Variants in NRXN1 observed in about 807,000 individuals in gnomAD.
NRXN1 encodes neurexin 1.
In NRXN1, 39 loss-of-function variants were observed where a neutral mutation model predicts 150.9. The ratio of observed to expected loss-of-function variants is 0.26; its 90% CI spans 0.20 to 0.34. The LOEUF is 0.34. NRXN1 is among the 10% of genes least tolerant of loss of function. The pLI is 1.00. For synonymous variants in NRXN1, 924 were observed against 757.0 expected, an observed-to-expected ratio of 1.22 and a Z score of -3.62; for missense variants, 1,815 against 1,949.9, an observed-to-expected ratio of 0.93 and a Z score of 1.30.
intron 17 of NRXN1, among the ~76,000 whole-genome samples, chr2:50,311,211 A>G (rs1189288740): frequency 6.6e-6 from 1 of 152,098 alleles, no homozygotes; most frequent in Non-Finnish European, 1.5e-5. Flanking sequence ...AAACAAAACT[A>G]ATTTCAAAGG....
intron 2 of NRXN1, among the ~76,000 whole-genome samples, chr2:50,953,658 G>T (rs1475094458): frequency 6.6e-6 from 1 of 151,690 alleles, no homozygotes; most frequent in Non-Finnish European, 1.5e-5. Flanking sequence ...TGCCTCCCAG[G>T]TTCAAGCGAT....
chr2:50,014,098 T>C (rs1438162048), intron 21 of NRXN1, among the ~76,000 whole-genome samples: 1 of 151,808 alleles, frequency 6.6e-6, no homozygotes, highest in African/African-American at 2.4e-5. Flanking sequence ...AGAGCTTGTT[T>C]TTTTTTTGTT....
intron 18 of NRXN1, among the ~76,000 whole-genome samples, chr2:50,133,812 G>T (rs934563068): frequency 5.9e-5 from 9 of 152,088 alleles, no homozygotes; most frequent in African/African-American, 2.2e-4. Context: ...AAGCCATGAG[G>T]AATTATTTTA....
intron 5 of NRXN1, chr2:50,656,548 G>T (rs1331680131): frequency 1.7e-6 from 1 of 577,162 alleles, no homozygotes; most frequent in South Asian, 2.3e-5. Context: ...TATTTATTTT[G>T]TATACAAAAG....
intron 17 of NRXN1, among the ~76,000 whole-genome samples, chr2:50,352,611 T>G (rs1444339811): frequency 6.6e-6 from 1 of 151,920 alleles, no homozygotes; most frequent in East Asian, 1.9e-4. Context: ...TTTCTGAGTT[T>G]GAACTGAGCG....
At chr2:50,297,878 TA>T (rs1462332417) in intron 17 of NRXN1, among the ~76,000 whole-genome samples, 1 of 152,092 alleles carries the variant, frequency 6.6e-6, no homozygotes, top group Admixed American at 6.6e-5. Flanking sequence ...CAACCATGTA[TA>T]AGGGCAACAT....
intron 18 of NRXN1, among the ~76,000 whole-genome samples, chr2:50,158,059 A>T (rs2059131408): frequency 1.5e-5 from 2 of 131,434 alleles, no homozygotes; most frequent in African/African-American, 6.0e-5. Flanking sequence ...ATTTATAAGA[A>T]GTTGAGTGTG....
At chr2:50,559,430 C>T (rs889479200) in intron 8 of NRXN1, among the ~76,000 whole-genome samples, 16 of 152,168 alleles carry the variant, frequency 1.1e-4, no homozygotes, top group African/African-American at 3.9e-4. Context: ...ACTTTTTAGA[C>T]ACGTGCTATG....
intron 13 of NRXN1, among the ~76,000 whole-genome samples, chr2:50,505,087 G>A (rs975290109): frequency 1.3e-5 from 2 of 151,972 alleles, no homozygotes; most frequent in African/African-American, 4.8e-5. Context: ...ATAATAATCT[G>A]TGTTTTATAT....
At chr2:49,923,509 AGT>A (rs1668576637) in intron 22 of NRXN1, among the ~76,000 whole-genome samples, 1 of 152,124 alleles carries the variant, frequency 6.6e-6, no homozygotes. Flanking sequence ...TGTGTGTATG[AGT>A]GTGTGTTCAT....
intron 8 of NRXN1, among the ~76,000 whole-genome samples, chr2:50,591,417 T>C (rs1674212489): frequency 2.0e-5 from 3 of 151,864 alleles, no homozygotes; most frequent in Admixed American, 6.6e-5. Context: ...GATAGATAGA[T>C]AGATAGATAG....
chr2:50,552,055 G>A (rs1667615864), intron 9 of NRXN1, among the ~76,000 whole-genome samples: 1 of 152,172 alleles, frequency 6.6e-6, no homozygotes, highest in African/African-American at 2.4e-5. Context: ...TCATCAGAAA[G>A]GGAAGCAGTT....
intron 5 of NRXN1, among the ~76,000 whole-genome samples, chr2:50,797,251 C>A (rs1574505882): frequency 6.6e-6 from 1 of 152,002 alleles, no homozygotes; most frequent in Non-Finnish European, 1.5e-5. Flanking sequence ...AGACTTTTTT[C>A]CTCTGTATCA....
At chr2:50,753,411 C>A (rs748037641) in intron 5 of NRXN1, among the ~76,000 whole-genome samples, 3 of 151,732 alleles carry the variant, frequency 2.0e-5, no homozygotes, top group Non-Finnish European at 4.4e-5. Context: ...TGCTGTACTG[C>A]CTCTCCATTA....
At chr2:50,380,746 G>A (rs908435293) in intron 17 of NRXN1, among the ~76,000 whole-genome samples, 9 of 152,154 alleles carry the variant, frequency 5.9e-5, no homozygotes, top group African/African-American at 1.2e-4. Context: ...AAAGCCACCC[G>A]TTATAGTGCA....
At chr2:50,278,241 A>ATTATATATATATATTATATATATT (rs1357337957) in intron 17 of NRXN1, among the ~76,000 whole-genome samples, 1 of 122,632 alleles carries the variant, frequency 8.2e-6, no homozygotes, top group African/African-American at 3.2e-5. Flanking sequence ...ATATATATAT[A>ATTATATATATATATTATATATATT]ATATATATAT....
chr2:50,415,807 C>T (rs2083491614), intron 17 of NRXN1, among the ~76,000 whole-genome samples: 1 of 151,668 alleles, frequency 6.6e-6, no homozygotes, highest in Non-Finnish European at 1.5e-5. Flanking sequence ...CATAGTCTCT[C>T]ACAATGTGAT....
intron 21 of NRXN1, among the ~76,000 whole-genome samples, chr2:50,040,047 C>A (rs564519268): frequency 2.0e-4 from 30 of 152,150 alleles, no homozygotes; most frequent in African/African-American, 7.2e-4. Context: ...TCTAAATGGT[C>A]TTCATTGTTT....
intron 21 of NRXN1, among the ~76,000 whole-genome samples, chr2:50,027,548 T>A (rs918389429): frequency 2.0e-5 from 3 of 152,216 alleles, no homozygotes; most frequent in East Asian, 1.9e-4. Flanking sequence ...GCTCAAGCAA[T>A]CCTCCCAACT....
Sources: allele counts gnomAD v4.1 joint callset (sites outside exome capture counted in the v4.1 genomes callset), GRCh38; gene constraint gnomAD v4.1.1; transcripts MANE v1.5; gene names NCBI Gene and HGNC (gene_info 2026-07-23, HGNC 2026-07-21).